Variants in FRMPD4 observed in about 807,000 individuals in gnomAD.
FRMPD4 encodes FERM and PDZ domain containing 4.
FRMPD4 carries 22 observed loss-of-function variants against 94.1 expected under a neutral mutation model. The observed-to-expected ratio is 0.23, with a 90% CI of 0.17 to 0.33. FRMPD4 has a LOEUF of 0.33. Among genes scored for constraint, FRMPD4 ranks in the 10% least tolerant of loss-of-function variants. The pLI, the probability that FRMPD4 is intolerant of heterozygous loss-of-function variation, is 1.00. For synonymous variants in FRMPD4, 631 were observed against 548.6 expected (o/e 1.15, Z -2.10); for missense variants, 1,111 against 1,339.9 (o/e 0.83, Z 2.67).
chrX:11,962,243 G>C (rs1198624985), intron 3 of FRMPD4, among the ~76,000 whole-genome samples: 1 of 111,989 alleles, frequency 8.9e-6, no homozygotes, highest in African/African-American at 3.3e-5. Context: ...TTTGGTGTCT[G>C]GTGGGGGCTT....
At chrX:12,555,545 A>G (rs977745099) in intron 2 of FRMPD4, among the ~76,000 whole-genome samples, 6 of 112,240 alleles carry the variant, frequency 5.3e-5, no homozygotes, top group African/African-American at 1.3e-4. Flanking sequence ...CCTCTTGTCT[A>G]AAACTTTGCA....
intron 2 of FRMPD4, among the ~76,000 whole-genome samples, chrX:12,600,285 G>A (rs2059073486): frequency 9.1e-6 from 1 of 110,318 alleles, no homozygotes; most frequent in Non-Finnish European, 1.9e-5. Flanking sequence ...CATCTCCTTT[G>A]ATGTCCGTCA....
chrX:12,720,000 G>GAAAGGAAAGGAAAGA (rs1324844114), intron 16 of FRMPD4, among the ~76,000 whole-genome samples: 9 of 45,730 alleles, frequency 2.0e-4, no homozygotes, highest in African/African-American at 3.4e-4. Flanking sequence ...GGAAAGAAAG[G>GAAAGGAAAGGAAAGA]AAAGGAAAGG....
chrX:12,249,364 T>A (rs2054001568), intron 1 of FRMPD4, among the ~76,000 whole-genome samples: 1 of 111,285 alleles, frequency 9.0e-6, no homozygotes, highest in Non-Finnish European at 1.9e-5. Context: ...GAAAAGGTGG[T>A]GTTAATGTCA....
intron 4 of FRMPD4, among the ~76,000 whole-genome samples, chrX:12,615,155 C>T (rs1432988230): frequency 8.0e-5 from 9 of 112,356 alleles, no homozygotes; most frequent in African/African-American, 2.9e-4. Flanking sequence ...TCCAAAGGTT[C>T]ATTTTTTCCT....
chrX:12,595,543 C>A (rs1047147667), intron 2 of FRMPD4, among the ~76,000 whole-genome samples: 1 of 111,799 alleles, frequency 8.9e-6, no homozygotes, highest in African/African-American at 3.3e-5. Flanking sequence ...AATAATTGAG[C>A]TCTTTAAAAA....
intron 2 of FRMPD4, among the ~76,000 whole-genome samples, chrX:12,524,680 T>G (rs771123869): frequency 2.7e-5 from 3 of 111,419 alleles, no homozygotes; most frequent in Non-Finnish European, 5.7e-5. Flanking sequence ...TATATAAAGT[T>G]GTAGATATGG....
At chrX:12,616,457 C>G (rs1161515675) in intron 4 of FRMPD4, among the ~76,000 whole-genome samples, 1 of 112,032 alleles carries the variant, frequency 8.9e-6, no homozygotes, top group African/African-American at 3.2e-5. Flanking sequence ...GACAGTCACT[C>G]TACTTCAGTC....
intron 1 of FRMPD4, among the ~76,000 whole-genome samples, chrX:12,361,082 GAGA>G (rs1171682339): frequency 1.8e-5 from 2 of 111,324 alleles, no homozygotes; most frequent in African/African-American, 6.5e-5. Flanking sequence ...ACAGTCATTA[GAGA>G]AGATGAAATT....
At chrX:11,998,066 T>C (rs1486534822) in intron 3 of FRMPD4, among the ~76,000 whole-genome samples, 2 of 111,974 alleles carry the variant, frequency 1.8e-5, no homozygotes, top group Admixed American at 9.5e-5. Flanking sequence ...CAATTCATCA[T>C]GAAGTTTTAT....
chrX:12,139,014 T>A lies in FRMPD4; in HGVS notation c.41+2T>A. On this transcript the variant is annotated splice_donor_variant, in intron 1 of 16. Transcript: ENST00000675598. LOFTEE classifies it high-confidence loss of function. ...TGTGAAGATTGCAAAGCTTTCGAGG[T>A]AGGGGCTGCGCGGGTTCCGTTTGCA... 1 of 1,158,496 alleles carries A rather than the reference T, an allele frequency of 8.6e-7. No homozygotes were observed. The highest frequency in any genetic ancestry group is 3.2e-5 in the East Asian group (1 of 31,509).
intron 1 of FRMPD4, among the ~76,000 whole-genome samples, chrX:12,193,122 T>C (rs1177856897): frequency 1.8e-5 from 2 of 111,362 alleles, no homozygotes; most frequent in African/African-American, 6.5e-5. Flanking sequence ...CAAGGCCAAA[T>C]CAGAAAAATG....
chrX:12,163,857 T>C (rs1256453882), intron 1 of FRMPD4, among the ~76,000 whole-genome samples: 3 of 111,879 alleles, frequency 2.7e-5, no homozygotes, highest in Non-Finnish European at 3.8e-5. Context: ...ATTAAGATCA[T>C]AGAGGTAAGT....
chrX:12,294,440 A>C lies in FRMPD4; in HGVS notation c.41+155428A>C, dbSNP rs375776778. On this transcript the variant is annotated intron_variant, in intron 1 of 16. Coordinates refer to ENST00000675598, the MANE Select transcript of FRMPD4 (RefSeq NM_001368397.1). The stretch of plus-strand genomic sequence containing the variant: ...ATTGTATGAATATCAAACACTTGAG[A>C]AAAACTTGGCTATAAACTCATAACT... Among the ~76,000 whole-genome samples the C allele has an allele frequency of 9.2e-5, 10 of 108,147 alleles. No individual in the cohort carries two copies. The East Asian group carries it at 2.4e-3, about 26-fold the overall frequency. The allele number at this position is 108,147 out of a possible 115,157, so 93.9% of individuals were successfully genotyped here.
intron 3 of FRMPD4, among the ~76,000 whole-genome samples, chrX:11,985,262 C>T (rs1056553482): frequency 2.7e-5 from 3 of 111,622 alleles, no homozygotes; most frequent in Admixed American, 1.9e-4. Context: ...CATTCCAGGC[C>T]CTAGTTCCTG....
chrX:12,231,030 G>GTATGTATATATATATATATATATATATA (rs1555938221), intron 1 of FRMPD4, among the ~76,000 whole-genome samples: 1 of 26,381 alleles, frequency 3.8e-5, no homozygotes, highest in Non-Finnish European at 7.6e-5. Context: ...TATATATATA[G>GTATGTATATATATATATATATATATATA]TATATATATA....
In FRMPD4 at chrX:12,329,876, A is replaced by C. The variant is rs1171549220; in HGVS notation, c.42-168804A>C. ...TCTAACCAAAAAAAAAAAAAAAAAC[A>C]ACAACAACAACTTAAATCTCACTGC... On this transcript the variant is annotated intron_variant, in intron 1 of 16. Coordinates refer to ENST00000675598, the MANE Select transcript of FRMPD4 (RefSeq NM_001368397.1). 4.7e-5 allele frequency among the ~76,000 whole-genome samples: 5 copies of C among 106,592 alleles called. No homozygotes were observed. The East Asian group carries it at 1.4e-3, about 31-fold the overall frequency. The allele number at this position is 106,592 out of a possible 115,157, so 92.6% of individuals were successfully genotyped here. A position where few individuals can be genotyped will look rare whatever the true frequency, so the allele number is the denominator to read the frequency against.
intron 3 of FRMPD4, among the ~76,000 whole-genome samples, chrX:11,885,621 C>A (rs966175486): frequency 9.0e-6 from 1 of 111,235 alleles, no homozygotes; most frequent in African/African-American, 3.3e-5. Flanking sequence ...GGTGTACCTA[C>A]CACCAATAAA....
chrX:12,636,847 A>G (rs750425881), intron 4 of FRMPD4, among the ~76,000 whole-genome samples: 4 of 112,123 alleles, frequency 3.6e-5, no homozygotes, highest in Non-Finnish European at 7.5e-5. Context: ...TATCTTTGGT[A>G]ATGGGAGCCC....
Sources: gnomAD v4.1 joint callset for allele counts (sites outside exome capture counted in the v4.1 genomes callset) on GRCh38, gnomAD v4.1.1 for gene constraint, MANE v1.5 for transcripts, NCBI Gene and HGNC (gene_info 2026-07-23, HGNC 2026-07-21) for gene names.